The following KIAA1549 variants were observed in gnomAD, a reference collection of about 807,000 sequenced individuals.
KIAA1549 encodes UPF0606 protein KIAA1549.
Under a neutral mutation model 156.4 loss-of-function variants are expected in KIAA1549, and 70 were observed. That is an observed-to-expected ratio of 0.45 (90% confidence interval 0.37 to 0.55). The LOEUF is 0.55. Ranked by LOEUF, KIAA1549 falls within the 20% of genes least tolerant of loss-of-function variation. The pLI, the probability that KIAA1549 is intolerant of heterozygous loss-of-function variation, is 0.00. For missense variants in KIAA1549, 2,428 were observed against 2,540.9 expected, an observed-to-expected ratio of 0.96 and a Z score of 0.96; for synonymous variants, 1,103 against 1,066.4, an observed-to-expected ratio of 1.03 and a Z score of -0.67.
At chr7:138,926,574 T>C (rs1233198429) in intron 1 of KIAA1549, among the ~76,000 whole-genome samples, 4 of 152,178 alleles carry the variant, frequency 2.6e-5, no homozygotes, top group Non-Finnish European at 5.9e-5. Context: ...CATGAGCCAC[T>C]GCACCTGGCC....
intron 16 of KIAA1549, among the ~76,000 whole-genome samples, chr7:138,853,635 C>T (rs1447146955): frequency 6.6e-6 from 1 of 152,192 alleles, no homozygotes; most frequent in Non-Finnish European, 1.5e-5. Flanking sequence ...GGTCAGATTA[C>T]TTCACCTTCT....
At chr7:138,857,707 T>C (rs766074603) in intron 16 of KIAA1549, among the ~76,000 whole-genome samples, 8 of 152,368 alleles carry the variant, frequency 5.3e-5, no homozygotes, top group Middle Eastern at 3.4e-3. Context: ...GTCTTCCAGA[T>C]AAACTGAATG....
chr7:138,876,858 G>T (rs1329155114), intron 12 of KIAA1549, among the ~76,000 whole-genome samples: 2 of 152,206 alleles, frequency 1.3e-5, no homozygotes, highest in Non-Finnish European at 2.9e-5. Flanking sequence ...GGCCATGAGG[G>T]TATGTGTCAG....
intron 19 of KIAA1549, among the ~76,000 whole-genome samples, chr7:138,838,590 A>T (rs1285197352): frequency 6.6e-6 from 1 of 152,190 alleles, no homozygotes; most frequent in African/African-American, 2.4e-5. Context: ...AAAGCATAAA[A>T]TAGTTTTGCT....
chr7:138,844,386 C>G lies in KIAA1549; in HGVS notation c.5383G>C (p.Ala1795Pro), dbSNP rs1231664155. 6.2e-7 allele frequency: 1 copy of G among 1,611,400 alleles called. No homozygotes were observed. Among genetic ancestry groups the G allele is most frequent in the Admixed American group, 1.7e-5 (1 of 59,656 alleles). The change falls in exon 18 of 20, where the codon GCT (alanine) becomes CCT (proline). Residue 1795 changes from alanine to proline, a missense_variant. Ala to Pro is a conservative substitution (Grantham distance 27). This residue lies in a region of KIAA1549 where 363 missense variants were observed against 354.0 expected (regional missense o/e 1.03). Coordinates refer to ENST00000422774, the MANE Select transcript of KIAA1549 (RefSeq NM_001164665.2). ...QPQASAEAPF[A>P]ARGIYSEEMP... ...TCCTCCGAGTAGATCCCTCTGGCAG[C>G]AAATGGGGCTTCGGCGGAGGCCTGT... is the stretch of plus-strand genomic sequence containing the variant.
intron 1 of KIAA1549, among the ~76,000 whole-genome samples, chr7:138,958,226 C>A (rs928527429): frequency 6.9e-6 from 1 of 144,900 alleles, no homozygotes; most frequent in Non-Finnish European, 1.5e-5. Flanking sequence ...GCCTGCCTGG[C>A]GCCCACGCCC....
At chr7:138,941,931 C>T (rs147730578) in intron 1 of KIAA1549, among the ~76,000 whole-genome samples, 216 of 152,280 alleles carry the variant, frequency 1.4e-3, no homozygotes, top group African/African-American at 5.0e-3. Flanking sequence ...GAATTGTATG[C>T]TTAAAAGTGA....
intron 4 of KIAA1549, 146 bp downstream of exon 4, chr7:138,911,000 C>T (rs1812154689): frequency 1.5e-6 from 1 of 684,572 alleles, no homozygotes; most frequent in Non-Finnish European, 2.4e-6. Context: ...CCACTGCATT[C>T]CAGCCTGGGC....
intron 8 of KIAA1549, among the ~76,000 whole-genome samples, chr7:138,901,495 T>C (rs1190746284): frequency 1.3e-5 from 2 of 151,924 alleles, no homozygotes; most frequent in Non-Finnish European, 2.9e-5. Flanking sequence ...CCAGATAATT[T>C]TTGTGTTTTT....
At chr7:138,939,433 T>C (rs1010685) in intron 1 of KIAA1549, among the ~76,000 whole-genome samples, 14,656 of 152,180 alleles carry the variant, frequency 0.096, 997 homozygotes, top group African/African-American at 0.19. Flanking sequence ...TTCCCCCTTT[T>C]TAAATCTCTC....
At position 138,937,739 on chromosome 7, in the gene KIAA1549, T is replaced by C. The variant is rs562802481; in HGVS notation, c.188-18301A>G. 4.6e-5 allele frequency among the ~76,000 whole-genome samples: 7 copies of C among 152,230 alleles called. 1 individual carries two copies. The highest frequency in any genetic ancestry group is 1.7e-4 in the African/African-American group (7 of 41,528). On this transcript the variant is annotated intron_variant, in intron 1 of 19. Transcript: ENST00000422774. ...GTGCGGGGTCACCAAGAGGAGCCTG[T>C]CGTTTGAGACTCACATGGACGGTGA...
intron 12 of KIAA1549, among the ~76,000 whole-genome samples, chr7:138,875,319 C>A (rs562089983): frequency 6.6e-6 from 1 of 152,140 alleles, no homozygotes; most frequent in East Asian, 1.9e-4. Flanking sequence ...TGTTTTCTTA[C>A]CATCAGTTAA....
intron 17 of KIAA1549, among the ~76,000 whole-genome samples, chr7:138,848,391 G>C (rs1810139178): frequency 6.6e-6 from 1 of 152,166 alleles, no homozygotes; most frequent in Non-Finnish European, 1.5e-5. Flanking sequence ...ATGGGATGTT[G>C]AATTTTACCA....
At chr7:138,852,144 TA>T in intron 17 of KIAA1549, 78 bp downstream of exon 17, 3 of 950,042 alleles carry the variant, frequency 3.2e-6, no homozygotes, top group Middle Eastern at 2.5e-4. Flanking sequence ...TCATATTAGC[TA>T]AAATTAGTGA....
intron 1 of KIAA1549, among the ~76,000 whole-genome samples, chr7:138,934,692 A>C (rs1812960579): frequency 2.0e-5 from 3 of 152,110 alleles, no homozygotes; most frequent in Admixed American, 1.3e-4. Flanking sequence ...GTCCCTGAAA[A>C]TCACTACCTG....
intron 1 of KIAA1549, among the ~76,000 whole-genome samples, chr7:138,929,879 G>A (rs949396857): frequency 6.6e-6 from 1 of 152,122 alleles, no homozygotes; most frequent in African/African-American, 2.4e-5. Flanking sequence ...TTCTTTTGTA[G>A]AGATAAGGTC....
Position 138,834,246 on chromosome 7 carries a change from AC to A in KIAA1549, c.*3659del. 5.3e-6 allele frequency: 1 copy of A among 188,808 alleles called. No individual in the cohort carries two copies. Among genetic ancestry groups the A allele is most frequent in the Non-Finnish European group, 1.1e-5 (1 of 89,838 alleles). The allele number at this position is 188,808 out of a possible 1,614,324, so 11.7% of individuals were successfully genotyped here. ...GCAATCTCAGCTCACTGCAACCTCC[AC>A]CCCCCGGGTTCAAGCAATTATCGTG... is the stretch of plus-strand genomic sequence containing the variant. On this transcript the variant is annotated 3_prime_UTR_variant, in exon 20 of 20. Transcript: ENST00000422774.
chr7:138,904,799 T>G (rs988741060), intron 7 of KIAA1549, among the ~76,000 whole-genome samples: 1 of 152,158 alleles, frequency 6.6e-6, no homozygotes, highest in African/African-American at 2.4e-5. Flanking sequence ...TGCCCTGAAC[T>G]TGATGTATGA....
intron 17 of KIAA1549, among the ~76,000 whole-genome samples, chr7:138,850,627 A>G (rs1810208567): frequency 6.6e-6 from 1 of 152,066 alleles, no homozygotes; most frequent in South Asian, 2.1e-4. Flanking sequence ...CTCCCATTCT[A>G]TAGGACAGAC....
Sources: allele counts gnomAD v4.1 joint callset (sites outside exome capture counted in the v4.1 genomes callset), GRCh38; gene constraint gnomAD v4.1.1; regional missense constraint gnomAD v4.1.1; transcripts MANE v1.5; gene names NCBI Gene and HGNC (gene_info 2026-07-23, HGNC 2026-07-21).